Variants in CCDC144A observed in about 807,000 individuals in gnomAD.
The protein encoded by CCDC144A is coiled-coil domain-containing protein 144A.
Under a neutral mutation model 143.8 loss-of-function variants are expected in CCDC144A, and 41 were observed. That is an observed-to-expected ratio of 0.29 (90% CI 0.22 to 0.37). CCDC144A has a LOEUF of 0.37. CCDC144A is among the 10% of genes least tolerant of loss of function. The pLI, the probability that CCDC144A is intolerant of heterozygous loss-of-function variation, is 1.00. For synonymous variants in CCDC144A, 242 were observed against 517.9 expected (o/e 0.47, Z 7.23); for missense variants, 637 against 1,488.8 (o/e 0.43, Z 9.41).
At chr17:16,692,443 A>G (rs995636035) in intron 1 of CCDC144A, among the ~76,000 whole-genome samples, 1 of 94,094 alleles carries the variant, frequency 1.1e-5, no homozygotes, top group Non-Finnish European at 2.1e-5. Flanking sequence ...CTAGAACTTA[A>G]TAACAGTTTT....
At chr17:16,769,410 G>C (rs1915736422) in intron 15 of CCDC144A, among the ~76,000 whole-genome samples, 3 of 152,358 alleles carry the variant, frequency 2.0e-5, no homozygotes, top group Admixed American at 1.3e-4. Flanking sequence ...CCATGTCTTT[G>C]TATGTACAAA....
intron 16 of CCDC144A, among the ~76,000 whole-genome samples, chr17:16,773,095 T>C (rs1201157998): frequency 2.0e-5 from 3 of 152,046 alleles, no homozygotes; most frequent in Non-Finnish European, 4.4e-5. Context: ...TTGTTAACAC[T>C]GAAAAAGCTC....
At chr17:16,676,204 G>C in the CCDC144A span, among the ~76,000 whole-genome samples, 1 of 152,012 alleles carries the variant, frequency 6.6e-6, no homozygotes, top group African/African-American at 2.4e-5. Context: ...GAGAGTCCCT[G>C]AAATAAGAGT....
chr17:16,728,965 A>C (rs1400796594), intron 9 of CCDC144A, among the ~76,000 whole-genome samples: 1 of 152,070 alleles, frequency 6.6e-6, no homozygotes, highest in Non-Finnish European at 1.5e-5. Flanking sequence ...TATATATACC[A>C]CATATTATTT....
intron 12 of CCDC144A, 129 bp from the exon 13 acceptor site, chr17:16,761,296 T>C (rs1241773856): frequency 5.7e-6 from 8 of 1,411,070 alleles, no homozygotes; most frequent in Non-Finnish European, 7.5e-6. Context: ...ATCCTGTCAC[T>C]GTACTCCGGC....
At chr17:16,685,662 C>T (rs140538993), upstream of CCDC144A, among the ~76,000 whole-genome samples, 510 of 152,210 alleles carry the variant, frequency 3.4e-3, 3 homozygotes, top group African/African-American at 0.012. Context: ...GGATTACAGT[C>T]CAGTACAGTT....
At chr17:16,717,112 T>TC (rs1246626319) in intron 6 of CCDC144A, among the ~76,000 whole-genome samples, 1 of 146,434 alleles carries the variant, frequency 6.8e-6, no homozygotes, top group Non-Finnish European at 1.5e-5. Context: ...GCTTTTTTTT[T>TC]TTTTTTTCTT....
chr17:16,765,923 C>G (rs981702389), intron 15 of CCDC144A: 11 of 152,160 alleles, frequency 7.2e-5, no homozygotes, highest in Non-Finnish European at 1.2e-4. Flanking sequence ...TACTATGAAC[C>G]CCCAAAATTT....
At chr17:16,753,428 G>GTTTTTTTTTTTTTTTTTT in intron 12 of CCDC144A, among the ~76,000 whole-genome samples, 4 of 57,366 alleles carry the variant, frequency 7.0e-5, no homozygotes, top group Non-Finnish European at 9.6e-5. Flanking sequence ...GTGTTTTGTA[G>GTTTTTTTTTTTTTTTTTT]TTTTTTTTTT....
chr17:16,746,775 C>T, intron 12 of CCDC144A: 2 of 1,588,500 alleles, frequency 1.3e-6, no homozygotes, highest in Non-Finnish European at 1.7e-6. Context: ...GGGGAGCGCG[C>T]GGCCGTTCCC....
chr17:16,691,537 G>A (rs1261722640), intron 1 of CCDC144A, among the ~76,000 whole-genome samples: 1 of 151,388 alleles, frequency 6.6e-6, no homozygotes, highest in Non-Finnish European at 1.5e-5. Context: ...TAAGGTGGGC[G>A]GATCACGAGG....
At chr17:16,667,437 G>A in the CCDC144A span, among the ~76,000 whole-genome samples, 2 of 151,828 alleles carry the variant, frequency 1.3e-5, no homozygotes, top group Non-Finnish European at 2.9e-5. Flanking sequence ...TGAAGGGACT[G>A]AGGGGCTGAG....
At chr17:16,677,554 A>G in the CCDC144A span, among the ~76,000 whole-genome samples, 3 of 151,970 alleles carry the variant, frequency 2.0e-5, no homozygotes, top group African/African-American at 7.2e-5. Flanking sequence ...GACCCCATGA[A>G]TGGGATTAGG....
At chr17:16,682,940 A>T in the CCDC144A span, among the ~76,000 whole-genome samples, 1 of 110,960 alleles carries the variant, frequency 9.0e-6, no homozygotes, top group Non-Finnish European at 1.8e-5. Flanking sequence ...CTTGCTCTGT[A>T]ACGCAGGCTG....
chr17:16,773,462 A>G (rs1349351046), intron 16 of CCDC144A, 35 bp from the exon 17 acceptor site: 26 of 1,526,236 alleles, frequency 1.7e-5, no homozygotes. Context: ...TAATAACAAT[A>G]ATAATAATAA....
chr17:16,690,264 T>C lies in CCDC144A; in HGVS notation c.-137T>C. On this transcript the variant is annotated 5_prime_UTR_variant, in exon 1 of 17. Coordinates refer to ENST00000399273, the MANE Select transcript of CCDC144A (RefSeq NM_001382000.1). The stretch of plus-strand genomic sequence containing the variant: ...ACGAGGCTTTGCGGTGGCTGTTGGC[T>C]TGGCGGTGGTCGCTTGGCTTGGCGT... The C allele has an allele frequency of 1.7e-6, 1 of 585,404 alleles. No homozygotes were observed. Among genetic ancestry groups the C allele is most frequent in the African/African-American group, 1.9e-5 (1 of 53,524 alleles). The allele number at this position is 585,404 out of a possible 1,614,324, so 36.3% of individuals were successfully genotyped here.
At position 16,773,675 on chromosome 17, in the gene CCDC144A, G is replaced by T; in HGVS notation, c.*42G>T. 1 of 1,425,142 alleles carries T rather than the reference G, an allele frequency of 7.0e-7. No homozygotes were observed. Among genetic ancestry groups the T allele is most frequent in the South Asian group, 1.5e-5 (1 of 66,740 alleles). 88.3% of individuals were successfully genotyped at this position (1,425,142 alleles called of 1,614,324 possible). The stretch of plus-strand genomic sequence containing the variant: ...ATTTGGGCTATTCACATGATATTTT[G>T]TTTCCCATTAAATATATGATGTGAA... On this transcript the variant is annotated 3_prime_UTR_variant, in exon 17 of 17. Coordinates refer to ENST00000399273, the MANE Select transcript of CCDC144A (RefSeq NM_001382000.1).
In CCDC144A at chr17:16,729,871, T is replaced by A. The variant is rs1361601858; in HGVS notation, c.2106-1929T>A. Among the ~76,000 whole-genome samples the A allele has an allele frequency of 2.1e-3, 310 of 145,964 alleles. 4 individuals are homozygous for A. The highest frequency in any genetic ancestry group is 6.6e-3 in the African/African-American group (260 of 39,440). ...GACTCTGTCTCAAAAAAAAAAAATA[T>A]ATATATATATATGAATTGTATGGTG... is the stretch of plus-strand genomic sequence containing the variant. On this transcript the variant is annotated intron_variant, in intron 9 of 16. Coordinates refer to ENST00000399273, the MANE Select transcript of CCDC144A (RefSeq NM_001382000.1).
intron 12 of CCDC144A, among the ~76,000 whole-genome samples, chr17:16,755,571 T>C (rs74320125): frequency 0.051 from 7,797 of 151,836 alleles, 287 homozygotes; most frequent in African/African-American, 0.13. Context: ...TATTTATTTA[T>C]TTATTGGAGA....
Sources: gnomAD v4.1 joint callset for allele counts (sites outside exome capture counted in the v4.1 genomes callset) on GRCh38, gnomAD v4.1.1 for gene constraint, MANE v1.5 for transcripts, NCBI Gene and HGNC (gene_info 2026-07-23, HGNC 2026-07-21) for gene names.